The following FSD1 variants were observed in gnomAD, a reference collection of about 807,000 sequenced individuals.
FSD1 encodes the protein fibronectin type III and SPRY domain containing 1, also known as fibronectin type III and SPRY domain-containing protein 1.
FSD1 carries 23 observed loss-of-function variants against 58.2 expected under a neutral mutation model. That is an observed-to-expected ratio of 0.40 (90% confidence interval 0.28 to 0.56). The LOEUF (loss-of-function observed/expected upper bound fraction) is 0.56. Ranked by LOEUF, FSD1 falls within the 20% of genes least tolerant of loss-of-function variation. The pLI, the probability that FSD1 is intolerant of heterozygous loss-of-function variation, is 0.54. For missense variants in FSD1, 563 were observed against 670.8 expected, an observed-to-expected ratio of 0.84 and a Z score of 1.78; for synonymous variants, 265 against 263.4, an observed-to-expected ratio of 1.01 and a Z score of -0.06.
chr19:4,304,941 C>T (rs1004417204), intron 1 of FSD1, among the ~76,000 whole-genome samples, 180 bp downstream of exon 1: 2 of 130,008 alleles, frequency 1.5e-5, no homozygotes, highest in African/African-American at 5.7e-5. Context: ...TGGGACGCAG[C>T]CCCCCCACAT....
At chr19:4,316,421 A>T (rs1257990652) in intron 7 of FSD1, among the ~76,000 whole-genome samples, 1 of 147,292 alleles carries the variant, frequency 6.8e-6, no homozygotes, top group Non-Finnish European at 1.5e-5. Context: ...CGGTTTCATC[A>T]TGTTGGCCAG....
At chr19:4,317,599 T>C (rs1971768638) in intron 8 of FSD1, among the ~76,000 whole-genome samples, 1 of 152,232 alleles carries the variant, frequency 6.6e-6, no homozygotes, top group African/African-American at 2.4e-5. Flanking sequence ...CCTTTCACAG[T>C]GACACCTTCA....
chr19:4,313,551 C>G (rs1280516059), intron 7 of FSD1, among the ~76,000 whole-genome samples: 1 of 151,528 alleles, frequency 6.6e-6, no homozygotes, highest in Non-Finnish European at 1.5e-5. Flanking sequence ...AACCCTGTCT[C>G]TACTAAAAAT....
chr19:4,318,596 A>G (rs967859680), intron 9 of FSD1, 91 bp downstream of exon 9: 2 of 1,220,496 alleles, frequency 1.6e-6, no homozygotes, highest in Admixed American at 2.5e-5. Flanking sequence ...GTTGGGGTGG[A>G]GAGGGGACCT....
intron 7 of FSD1, among the ~76,000 whole-genome samples, chr19:4,315,135 C>G (rs1036948913): frequency 6.8e-6 from 1 of 147,482 alleles, no homozygotes; most frequent in Non-Finnish European, 1.5e-5. Flanking sequence ...TTTCTTTTTT[C>G]TTTTTTTTGA....
Position 4,304,739 on chromosome 19 carries a change from C to A in FSD1, c.-8C>A. On this transcript the variant is annotated 5_prime_UTR_variant, in exon 1 of 13. The change creates a new upstream start codon in the 5' untranslated region. Coordinates refer to ENST00000221856, the MANE Select transcript of FSD1 (RefSeq NM_024333.3). ...GCGGGCCGGGCCGGGGTGACCTGGG[C>A]TGCAGCCATGGAAGAACAGAGGGTA... 1 of 1,079,198 alleles carries A rather than the reference C, an allele frequency of 9.3e-7. No homozygotes were observed. Among genetic ancestry groups the A allele is most frequent in the Non-Finnish European group, 1.1e-6 (1 of 885,104 alleles). 66.9% of individuals were successfully genotyped at this position (1,079,198 alleles called of 1,614,324 possible). A position where few individuals can be genotyped will look rare whatever the true frequency, so the allele number is the denominator to read the frequency against.
At chr19:4,312,767 T>C (rs934195478) in intron 7 of FSD1, among the ~76,000 whole-genome samples, 19 of 151,698 alleles carry the variant, frequency 1.3e-4, no homozygotes, top group Non-Finnish European at 2.4e-4. Context: ...ATTGCGCCAC[T>C]GCACTCCAGC....
chr19:4,317,846 G>A (rs113887694), intron 8 of FSD1, among the ~76,000 whole-genome samples: 5,965 of 152,182 alleles, frequency 0.039, 128 homozygotes, highest in Middle Eastern at 0.1. Context: ...GTGAAACCCC[G>A]TCTCTACTGA....
rs759627069 is a variant in FSD1 at position 4,310,463 on chromosome 19, T to C, written c.369-12T>C. The stretch of plus-strand genomic sequence containing the variant: ...GGTCCCCCACGCAACGCCTGCCACC[T>C]CCTTCCTGCAGAGTGACCATGGCCC... On this transcript the variant is annotated splice_polypyrimidine_tract_variant and intron_variant, in intron 5 of 12. Coordinates refer to ENST00000221856, the MANE Select transcript of FSD1 (RefSeq NM_024333.3). 6.2e-7 allele frequency: 1 copy of C among 1,608,468 alleles called. No homozygotes were observed. The highest frequency in any genetic ancestry group is 8.5e-7 in the Non-Finnish European group (1 of 1,175,738).
chr19:4,310,749 G>C lies in FSD1; in HGVS notation c.490+153G>C. 3 of 846,658 alleles carry C rather than the reference G, an allele frequency of 3.5e-6. No homozygotes were observed. In the South Asian group the frequency reaches 5.2e-5, roughly 15 times the overall value. The allele number at this position is 846,658 out of a possible 1,614,324, so 52.4% of individuals were successfully genotyped here. On this transcript the variant is annotated intron_variant, in intron 6 of 12. Coordinates refer to ENST00000221856, the MANE Select transcript of FSD1 (RefSeq NM_024333.3). ...CTCTGAGAATTCCACGCCCTGTGGG[G>C]GGTGGAGTTCTCATGGAGCCCCGCC... is the stretch of plus-strand genomic sequence containing the variant.
chr19:4,308,896 A>C (rs1265635265), intron 4 of FSD1, among the ~76,000 whole-genome samples: 1 of 148,176 alleles, frequency 6.7e-6, no homozygotes, highest in Non-Finnish European at 1.5e-5. Flanking sequence ...TAGGACGGTG[A>C]AACCCCGTCT....
At chr19:4,309,236 A>G (rs1256071759) in intron 4 of FSD1, among the ~76,000 whole-genome samples, 1 of 152,100 alleles carries the variant, frequency 6.6e-6, no homozygotes, top group African/African-American at 2.4e-5. Flanking sequence ...GGACAGAGCC[A>G]GACCTTGTCT....
intron 3 of FSD1, among the ~76,000 whole-genome samples, chr19:4,307,317 A>G (rs1971633334): frequency 6.6e-6 from 1 of 151,878 alleles, no homozygotes; most frequent in Non-Finnish European, 1.5e-5. Flanking sequence ...TGGCCTCCCA[A>G]ATTGCTGGGA....
intron 7 of FSD1, among the ~76,000 whole-genome samples, chr19:4,316,171 C>T (rs1971753295): frequency 1.3e-5 from 2 of 152,012 alleles, no homozygotes. Context: ...CATGCTCCTC[C>T]TCCCTCAGCC....
At chr19:4,314,911 G>A (rs912728538) in intron 7 of FSD1, among the ~76,000 whole-genome samples, 3 of 152,182 alleles carry the variant, frequency 2.0e-5, no homozygotes, top group Non-Finnish European at 2.9e-5. Context: ...AGGCTTCCAG[G>A]TGCTACGCTT....
intron 7 of FSD1, among the ~76,000 whole-genome samples, chr19:4,316,167 C>T (rs998876496): frequency 1.3e-5 from 2 of 151,834 alleles, no homozygotes; most frequent in African/African-American, 4.8e-5. Flanking sequence ...CTCACATGCT[C>T]CTCCTCCCTC....
In FSD1 at chr19:4,307,863, T is replaced by C. The variant is rs748749301; in HGVS notation, c.244-19T>C. ...CAGTGGGGTGAGTTGTCCCCTCCTT[T>C]GGTGCCTGGTATCCACAGAACCAGC... On this transcript the variant is annotated intron_variant, in intron 3 of 12. Coordinates refer to ENST00000221856, the MANE Select transcript of FSD1 (RefSeq NM_024333.3). 1 of 1,604,440 alleles carries C rather than the reference T, an allele frequency of 6.2e-7. No homozygotes were observed. Among genetic ancestry groups the C allele is most frequent in the Non-Finnish European group, 8.5e-7 (1 of 1,173,816 alleles).
intron 7 of FSD1, among the ~76,000 whole-genome samples, chr19:4,312,530 G>A (rs998369077): frequency 1.3e-5 from 2 of 151,280 alleles, no homozygotes; most frequent in African/African-American, 2.4e-5. Context: ...TAGGCCGGGC[G>A]CGGTAGCTCA....
chr19:4,311,807 G>T, intron 6 of FSD1, 35 bp from the exon 7 acceptor site: 1 of 1,607,220 alleles, frequency 6.2e-7, no homozygotes, highest in Non-Finnish European at 8.5e-7. Context: ...ACCAGGCACA[G>T]AATCCCGACC....
Sources: gnomAD v4.1 joint callset for allele counts (sites outside exome capture counted in the v4.1 genomes callset) on GRCh38, gnomAD v4.1.1 for gene constraint, MANE v1.5 for transcripts, NCBI Gene and HGNC (gene_info 2026-07-23, HGNC 2026-07-21) for gene names.